The following PPP1CB variants were observed in gnomAD, a reference collection of about 807,000 sequenced individuals.
PPP1CB encodes the protein protein phosphatase 1 catalytic subunit beta.
Under a neutral mutation model 43.7 loss-of-function variants are expected in PPP1CB, and 2 were observed. The observed-to-expected ratio is 0.05, with a 90% CI of 0.02 to 0.14. PPP1CB has a LOEUF of 0.14. Ranked by LOEUF, PPP1CB falls within the 10% of genes least tolerant of loss-of-function variation. The pLI, the probability that PPP1CB is intolerant of heterozygous loss-of-function variation, is 1.00. For missense variants in PPP1CB, 84 were observed against 398.0 expected (o/e 0.21, Z 6.71); for synonymous variants, 136 against 135.6 (o/e 1.00, Z -0.02).
chr2:28,764,243 G>C (rs962445997), intron 1 of PPP1CB, among the ~76,000 whole-genome samples: 1 of 151,758 alleles, frequency 6.6e-6, no homozygotes, highest in Admixed American at 6.6e-5. Flanking sequence ...GGCGGATCAC[G>C]AGGTCAGGAG....
At chr2:28,751,644 T>G (rs1666265029), upstream of PPP1CB, 2 of 177,436 alleles carry the variant, frequency 1.1e-5, no homozygotes, top group Non-Finnish European at 1.2e-5. Flanking sequence ...GCGACGCACC[T>G]GCGCGAAGAC....
intron 1 of PPP1CB, among the ~76,000 whole-genome samples, chr2:28,772,882 A>G (rs1329907604): frequency 6.6e-6 from 1 of 152,226 alleles, no homozygotes; most frequent in Non-Finnish European, 1.5e-5. Context: ...AGGGATACTC[A>G]GCCTGTATTT....
chr2:28,798,102 A>G (rs1280873368), intron 7 of PPP1CB, among the ~76,000 whole-genome samples: 5 of 152,136 alleles, frequency 3.3e-5, no homozygotes, highest in Admixed American at 2.0e-4. Flanking sequence ...TCTCTTCACT[A>G]AGGCACTATT....
At position 28,802,714 on chromosome 2, in the gene PPP1CB, T is replaced by A. The variant is rs1667647965; in HGVS notation, c.*3411T>A. 6.6e-6 allele frequency: 1 copy of A among 152,236 alleles called. No homozygotes were observed. 9.4% of individuals were successfully genotyped at this position (152,236 alleles called of 1,614,324 possible). On this transcript the variant is annotated 3_prime_UTR_variant, in exon 8 of 8. Transcript: ENST00000395366. ...TACTTAGATACTAAGTGAAACTTAG[T>A]GTAACAATTTTGATCTGTTAAATTG...
rs749986410 is a variant in PPP1CB, at chr2:28,776,969, G to A, written c.171G>A (p.Pro57=). The change falls in exon 2 of 8, where the codon CCG becomes CCA. Residue 57 remains proline (P), a synonymous_variant. Transcript: ENST00000395366. ...CTATTCTTTTGGAATTGGAAGCACCGCTGAAAATTTGTGGTATGTAAATGG... is the reference window on the plus strand; with the variant it reads ...CTATTCTTTTGGAATTGGAAGCACCACTGAAAATTTGTGGTATGTAAATGG... The part of the protein sequence containing the change: ...SQPILLELEA[P]LKICGDIHGQ... The A allele has an allele frequency of 1.2e-5, 19 of 1,612,880 alleles. No individual in the cohort carries two copies. Among genetic ancestry groups the A allele is most frequent in the Admixed American group, 3.3e-5 (2 of 59,958 alleles).
At chr2:28,778,406 A>C (rs762752740) in intron 2 of PPP1CB, 2 of 472,466 alleles carry the variant, frequency 4.2e-6, no homozygotes, top group African/African-American at 4.0e-5. Context: ...CAAGGCTCCA[A>C]TTAAGGCGTG....
At chr2:28,755,245 G>A (rs1396625387) in intron 1 of PPP1CB, among the ~76,000 whole-genome samples, 1 of 151,946 alleles carries the variant, frequency 6.6e-6, no homozygotes, top group Non-Finnish European at 1.5e-5. Flanking sequence ...CACCATGTTG[G>A]CCTGGCTGGT....
At chr2:28,762,845 C>T (rs1049448159) in intron 1 of PPP1CB, among the ~76,000 whole-genome samples, 1 of 152,208 alleles carries the variant, frequency 6.6e-6, no homozygotes, top group Non-Finnish European at 1.5e-5. Flanking sequence ...GTTAATGTTA[C>T]AAGATCTCAT....
chr2:28,780,863 C>A (rs922627428), intron 3 of PPP1CB, among the ~76,000 whole-genome samples: 1 of 152,110 alleles, frequency 6.6e-6, no homozygotes. Context: ...AAATTATAGC[C>A]TTTGTGCCTC....
rs1000954778 is a variant in PPP1CB, at chr2:28,788,591, G to A, written c.593-67G>A. On this transcript the variant is annotated intron_variant, in intron 5 of 7. Coordinates refer to ENST00000395366, the MANE Select transcript of PPP1CB (RefSeq NM_002709.3). ...GGCAAGAAAGGAACTGAAATTTGAT[G>A]TAGATGTGCTATATTCTATAAATCT... 6.7e-6 allele frequency: 10 copies of A among 1,500,540 alleles called. No individual in the cohort carries two copies. In the African/African-American group the frequency reaches 1.3e-4, roughly 19 times the overall value. The allele number at this position is 1,500,540 out of a possible 1,614,324, so 93.0% of individuals were successfully genotyped here. A position where few individuals can be genotyped will look rare whatever the true frequency, so the allele number is the denominator to read the frequency against.
At chr2:28,771,312 A>C (rs552304454) in intron 1 of PPP1CB, among the ~76,000 whole-genome samples, 1 of 151,966 alleles carries the variant, frequency 6.6e-6, no homozygotes, top group African/African-American at 2.4e-5. Flanking sequence ...CGGCCTCCCA[A>C]AGTGCTGGGA....
intron 1 of PPP1CB, among the ~76,000 whole-genome samples, chr2:28,761,882 C>A (rs1265764189): frequency 1.3e-5 from 2 of 152,108 alleles, no homozygotes; most frequent in Non-Finnish European, 2.9e-5. Context: ...AGTCTTGAGA[C>A]CCTCTTACAC....
chr2:28,801,121 A>T lies in PPP1CB; in HGVS notation c.*1818A>T, dbSNP rs1667605947. 1 of 152,338 alleles carries T rather than the reference A, an allele frequency of 6.6e-6. No individual in the cohort carries two copies. Among genetic ancestry groups the T allele is most frequent in the South Asian group, 2.1e-4 (1 of 4,834 alleles). 9.4% of individuals were successfully genotyped at this position (152,338 alleles called of 1,614,324 possible). On this transcript the variant is annotated 3_prime_UTR_variant, in exon 8 of 8. Transcript: ENST00000395366. ...TTCACATAGATACTATGTCCTTGAC[A>T]TATTGAAATGATTCTTTTCTGAAAG...
chr2:28,754,433 C>G (rs1666432309), intron 1 of PPP1CB, among the ~76,000 whole-genome samples: 1 of 152,138 alleles, frequency 6.6e-6, no homozygotes, highest in South Asian at 2.1e-4. Flanking sequence ...CCTTGCCAGG[C>G]ACCAGCAATC....
rs1247736538 is a variant in PPP1CB at position 28,756,049 on chromosome 2, C to A, written c.52+3873C>A. 2.6e-5 allele frequency among the ~76,000 whole-genome samples: 4 copies of A among 152,126 alleles called. 1 individual carries two copies. The South Asian group carries it at 8.3e-4, about 31-fold the overall frequency. ...TAACATACTTTGTAAAATTCACATG[C>A]TTTACATCATTAGAATATTCTTTAC... On this transcript the variant is annotated intron_variant, in intron 1 of 7. Coordinates refer to ENST00000395366, the MANE Select transcript of PPP1CB (RefSeq NM_002709.3).
At position 28,752,175 on chromosome 2, in the gene PPP1CB, G is replaced by A; in HGVS notation, c.51G>A (p.Glu17=). 4 of 1,546,254 alleles carry A rather than the reference G, an allele frequency of 2.6e-6. No individual in the cohort carries two copies. Among genetic ancestry groups the A allele is most frequent in the Non-Finnish European group, 3.5e-6 (4 of 1,144,516 alleles). Reference sequence around the variant, plus strand: ...ACAGCCTCATCACCCGGCTGCTGGAGGGTGAGTGCGCGCCTGGCCGCGGGA... The same window carrying A: ...ACAGCCTCATCACCCGGCTGCTGGAAGGTGAGTGCGCGCCTGGCCGCGGGA... ...NVDSLITRLL[E]VRGCRPGKIV... is the part of the protein sequence containing the mutation. The change falls in exon 1 of 8, where the codon GAG becomes GAA. Residue 17 remains glutamate (E), a splice_region_variant and synonymous_variant. Transcript: ENST00000395366.
chr2:28,775,745 A>G (rs1667024389), intron 1 of PPP1CB, among the ~76,000 whole-genome samples: 1 of 152,174 alleles, frequency 6.6e-6, no homozygotes, highest in African/African-American at 2.4e-5. Context: ...TTAAGGTTAA[A>G]GGGAGTCAGG....
At chr2:28,773,753 C>T (rs1666965807) in intron 1 of PPP1CB, among the ~76,000 whole-genome samples, 1 of 152,162 alleles carries the variant, frequency 6.6e-6, no homozygotes, top group Non-Finnish European at 1.5e-5. Flanking sequence ...GGACATCTGC[C>T]TTATTCTGTC....
At chr2:28,794,220 C>T (rs1667448136) in intron 7 of PPP1CB, among the ~76,000 whole-genome samples, 1 of 152,206 alleles carries the variant, frequency 6.6e-6, no homozygotes, top group Non-Finnish European at 1.5e-5. Flanking sequence ...TAAGTTACGT[C>T]AGTCATTCTT....
Sources: gnomAD v4.1 joint callset for allele counts (sites outside exome capture counted in the v4.1 genomes callset) on GRCh38, gnomAD v4.1.1 for gene constraint, MANE v1.5 for transcripts, NCBI Gene and HGNC (gene_info 2026-07-23, HGNC 2026-07-21) for gene names.